Variants in STK35 observed in about 807,000 individuals in gnomAD.
STK35 encodes serine/threonine-protein kinase 35.
STK35 carries 17 observed loss-of-function variants against 37.3 expected under a neutral mutation model. The ratio of observed to expected loss-of-function variants is 0.46; its 90% CI spans 0.31 to 0.68. The LOEUF is 0.68. Among genes scored for constraint, STK35 ranks in the 30% least tolerant of loss-of-function variants. The pLI is 0.05. For missense variants in STK35, 595 were observed against 746.7 expected (o/e 0.80, Z 2.37); for synonymous variants, 385 against 319.1 (o/e 1.21, Z -2.20).
chr20:2,103,108 G>A lies in STK35; in HGVS notation c.635G>A (p.Ser212Asn). ...CTGTTGGCGGAGATCGGGCGCGGCA[G>A]CTACGGCGTGGTTTATGAGGCAGTG... ...YSLLAEIGRG[S>N]YGVVYEAVAG... Residue 212 changes from serine to asparagine, a missense_variant, in exon 2 of 4, where the codon AGC becomes AAC. Around this residue, in one of 3 missense-constraint regions of STK35, gnomAD observed 97 missense variants for 146.4 expected, o/e 0.66. Coordinates refer to ENST00000381482, the MANE Select transcript of STK35 (RefSeq NM_080836.4). 1 of 1,601,366 alleles carries A rather than the reference G, an allele frequency of 6.2e-7. No individual in the cohort carries two copies. The highest frequency in any genetic ancestry group is 8.5e-7 in the Non-Finnish European group (1 of 1,178,858).
At chr20:2,113,755 C>G (rs1211021364) in intron 2 of STK35, among the ~76,000 whole-genome samples, 3 of 152,144 alleles carry the variant, frequency 2.0e-5, no homozygotes, top group African/African-American at 4.8e-5. Context: ...TGGTTCATTT[C>G]CCCAAAAAGA....
At chr20:2,118,340 T>G (rs1985755745) in intron 3 of STK35, among the ~76,000 whole-genome samples, 1 of 152,132 alleles carries the variant, frequency 6.6e-6, no homozygotes, top group South Asian at 2.1e-4. Flanking sequence ...TTTAAAAAAT[T>G]TATTCCAAGG....
intron 2 of STK35, among the ~76,000 whole-genome samples, chr20:2,108,100 A>G (rs1985550525): frequency 1.3e-5 from 2 of 152,206 alleles, no homozygotes; most frequent in African/African-American, 4.8e-5. Flanking sequence ...CAGACATTCA[A>G]ACTTGAGTAT....
intron 3 of STK35, among the ~76,000 whole-genome samples, chr20:2,120,196 G>T (rs1985792044): frequency 6.6e-6 from 1 of 152,172 alleles, no homozygotes; most frequent in Non-Finnish European, 1.5e-5. Flanking sequence ...CTGAATTTAG[G>T]TTACGATTAT....
chr20:2,129,112 T>G (rs985701881), intron 3 of STK35, among the ~76,000 whole-genome samples: 2 of 152,196 alleles, frequency 1.3e-5, no homozygotes, highest in African/African-American at 4.8e-5. Context: ...CTTGAGCCAC[T>G]GCACCAGGCC....
chr20:2,109,340 A>G (rs548048681), intron 2 of STK35, among the ~76,000 whole-genome samples: 8 of 152,354 alleles, frequency 5.3e-5, no homozygotes, highest in South Asian at 4.1e-4. Context: ...CCGGACTGCC[A>G]TGGATTAGGG....
rs759747234 is a variant in STK35, at chr20:2,116,953, C to G, written c.1180C>G (p.Arg394Gly). 1 of 1,614,062 alleles carries G rather than the reference C, an allele frequency of 6.2e-7. No individual in the cohort carries two copies. Among genetic ancestry groups the G allele is most frequent in the Non-Finnish European group, 8.5e-7 (1 of 1,180,014 alleles). The change falls in exon 3 of 4, where the codon CGA becomes GGA. Residue 394 changes from arginine (R) to glycine (G), a missense_variant. By Grantham distance (125) the Arg-to-Gly change is moderately radical. Transcript: ENST00000381482. ...LSKVCAGLAP[R>G]GKEGNQDNKN... ...CAAGGTCTGTGCTGGGCTGGCACCCCGAGGCAAAGAGGGCAATCAAGACAA... is the reference window on the plus strand; with the variant it reads ...CAAGGTCTGTGCTGGGCTGGCACCCGGAGGCAAAGAGGGCAATCAAGACAA...
At chr20:2,129,405 G>A (rs758234045) in intron 3 of STK35, among the ~76,000 whole-genome samples, 2 of 152,118 alleles carry the variant, frequency 1.3e-5, no homozygotes, top group Non-Finnish European at 2.9e-5. Flanking sequence ...CCACACAGGC[G>A]TTGGTTCCTG....
In STK35 at chr20:2,124,788, C is replaced by T. The variant is rs553053895; in HGVS notation, c.*37+7373C>T. On this transcript the variant is annotated intron_variant, in intron 3 of 3. Transcript: ENST00000381482. Reference sequence around the variant, plus strand: ...GATACCTGTATACAAAGAGACATGTCCCTTGGGGCCTCATCTCTCTGCTGG... The same window carrying T: ...GATACCTGTATACAAAGAGACATGTTCCTTGGGGCCTCATCTCTCTGCTGG... Among the ~76,000 whole-genome samples the T allele has an allele frequency of 2.0e-5, 3 of 152,282 alleles. No homozygotes were observed. In the South Asian group the frequency reaches 6.2e-4, roughly 32 times the overall value.
chr20:2,144,540 G>C lies in STK35; in HGVS notation c.*794G>C, dbSNP rs1262887562. Reference sequence around the variant, plus strand: ...GTGTTGCAGGGAACTAGGAGGTAAGGGTGGAGGGCGACCATCTCGCTCTTG... The same window carrying C: ...GTGTTGCAGGGAACTAGGAGGTAAGCGTGGAGGGCGACCATCTCGCTCTTG... On this transcript the variant is annotated 3_prime_UTR_variant, in exon 4 of 4. Coordinates refer to ENST00000381482, the MANE Select transcript of STK35 (RefSeq NM_080836.4). The C allele has an allele frequency of 6.5e-6, 1 of 152,840 alleles. No individual in the cohort carries two copies. The highest frequency in any genetic ancestry group is 1.5e-5 in the Non-Finnish European group (1 of 68,200). The allele number at this position is 152,840 out of a possible 1,614,324, so 9.5% of individuals were successfully genotyped here.
At chr20:2,134,748 G>A (rs1445782407) in intron 3 of STK35, among the ~76,000 whole-genome samples, 8 of 151,988 alleles carry the variant, frequency 5.3e-5, no homozygotes, top group South Asian at 2.1e-4. Flanking sequence ...AAAATTAGCC[G>A]GGCGTCATGG....
intron 3 of STK35, among the ~76,000 whole-genome samples, chr20:2,132,382 C>T (rs1986015258): frequency 6.6e-6 from 1 of 152,230 alleles, no homozygotes; most frequent in Non-Finnish European, 1.5e-5. Context: ...AAAGACAGAA[C>T]ACTGGAATTT....
intron 3 of STK35, among the ~76,000 whole-genome samples, chr20:2,119,668 T>C (rs1261966582): frequency 6.6e-6 from 1 of 152,212 alleles, no homozygotes; most frequent in Admixed American, 6.5e-5. Flanking sequence ...CCCTTTTCCC[T>C]TAATATGGTG....
At chr20:2,136,963 CAGAT>C (rs2122584404) in intron 3 of STK35, among the ~76,000 whole-genome samples, 1 of 152,264 alleles carries the variant, frequency 6.6e-6, no homozygotes, top group Non-Finnish European at 1.5e-5. Flanking sequence ...ATCTGAGTGA[CAGAT>C]AGGGGGTGGG....
intron 2 of STK35, 131 bp downstream of exon 2, chr20:2,103,496 C>A: frequency 1.2e-6 from 1 of 829,128 alleles, no homozygotes; most frequent in Non-Finnish European, 1.8e-6. Flanking sequence ...CCTGACACAC[C>A]CTCCTTTCCT....
At chr20:2,126,189 A>AAGATTCTGGAGCCAAGTC (rs1276393209) in intron 3 of STK35, among the ~76,000 whole-genome samples, 56 of 152,320 alleles carry the variant, frequency 3.7e-4, no homozygotes, top group Admixed American at 1.2e-3. Context: ...CCTGTGTCGA[A>AAGATTCTGGAGCCAAGTC]AGATTCTGGA....
chr20:2,103,268 G>C lies in STK35; in HGVS notation c.795G>C (p.Glu265Asp). Residue 265 changes from glutamate (E) to aspartate (D), a missense_variant, in exon 2 of 4, where the codon GAG becomes GAC. Physicochemically the swap from Glu to Asp is conservative, Grantham distance 45. Transcript: ENST00000381482. ...GCCACCAGAACGTCGTGCAGTTTGA[G>C]GAGTGCGTCCTGCAGCGCAATGGGT... ...KRRHQNVVQF[E>D]ECVLQRNGLA... 6.2e-7 allele frequency: 1 copy of C among 1,613,306 alleles called. No homozygotes were observed. The highest frequency in any genetic ancestry group is 8.5e-7 in the Non-Finnish European group (1 of 1,179,904).
At chr20:2,129,624 C>T (rs1419439088) in intron 3 of STK35, among the ~76,000 whole-genome samples, 2 of 152,088 alleles carry the variant, frequency 1.3e-5, no homozygotes, top group African/African-American at 2.4e-5. Context: ...AAAAAGCAGA[C>T]GTGGTCCTCA....
chr20:2,117,423 C>G lies in STK35; in HGVS notation c.*37+8C>G, dbSNP rs1247484920. On this transcript the variant is annotated splice_region_variant and intron_variant, in intron 3 of 3. Transcript: ENST00000381482. This position sits in a 1 kb window ranked among gnomAD's most constrained non-coding sequence, Gnocchi z 4.4. ...TGGGTGATTTTAAACTAGGTGAGTG[C>G]TCTCTGTTGTTGTTTTTTGTTTTTT... is the stretch of plus-strand genomic sequence containing the variant. The G allele has an allele frequency of 6.8e-7, 1 of 1,476,728 alleles. No homozygotes were observed. Among genetic ancestry groups the G allele is most frequent in the Admixed American group, 2.0e-5 (1 of 50,442 alleles). 91.5% of individuals were successfully genotyped at this position (1,476,728 alleles called of 1,614,324 possible).
Sources: gnomAD v4.1 joint callset for allele counts (sites outside exome capture counted in the v4.1 genomes callset) on GRCh38, gnomAD v4.1.1 for gene constraint, gnomAD v4.1.1 regional missense constraint, Gnocchi (gnomAD v3.1) non-coding constraint, MANE v1.5 for transcripts, NCBI Gene and HGNC (gene_info 2026-07-23, HGNC 2026-07-21) for gene names.